The following CYP4F8 variants were observed in gnomAD, a reference collection of about 807,000 sequenced individuals.
CYP4F8 encodes the protein cytochrome P450 family 4 subfamily F member 8.
Under a neutral mutation model 55.0 loss-of-function variants are expected in CYP4F8, and 56 were observed. The ratio of observed to expected loss-of-function variants is 1.02; its 90% CI spans 0.82 to 1.27. The LOEUF is 1.27. CYP4F8 is among the 50% of genes most tolerant of loss of function. The pLI, the probability that CYP4F8 is intolerant of heterozygous loss-of-function variation, is 0.00. For synonymous variants in CYP4F8, 288 were observed against 267.3 expected (o/e 1.08, Z -0.76); for missense variants, 680 against 682.4 (o/e 1.00, Z 0.04).
rs552475652 is a variant in CYP4F8, at chr19:15,629,122, C to T, written c.1398-71C>T. 151 of 1,501,828 alleles carry T rather than the reference C, an allele frequency of 1.0e-4. No homozygotes were observed. The African/African-American group carries it at 1.8e-3, about 18-fold the overall frequency. 93.0% of individuals were successfully genotyped at this position (1,501,828 alleles called of 1,614,324 possible). Reference sequence around the variant, plus strand: ...TCTGGGTGGGGTTGGGGGTTCCGGGCCTGGTTCCTGGCGCAGTGGGGCCGG... The same window carrying T: ...TCTGGGTGGGGTTGGGGGTTCCGGGTCTGGTTCCTGGCGCAGTGGGGCCGG... On this transcript the variant is annotated intron_variant, in intron 12 of 12. Coordinates refer to ENST00000612078, the MANE Select transcript of CYP4F8 (RefSeq NM_007253.4).
intron 9 of CYP4F8, among the ~76,000 whole-genome samples, chr19:15,625,665 T>G (rs1435651076): frequency 6.6e-6 from 1 of 152,066 alleles, no homozygotes; most frequent in Non-Finnish European, 1.5e-5. Flanking sequence ...TTTTTTCCAT[T>G]TGAACTCTGT....
At chr19:15,619,038 G>C (rs1324350878) in intron 3 of CYP4F8, 1 of 174,330 alleles carries the variant, frequency 5.7e-6, no homozygotes. Flanking sequence ...ATTGTGAGTG[G>C]TAGAAACTCA....
At chr19:15,626,837 A>G (rs1972269267) in intron 9 of CYP4F8, among the ~76,000 whole-genome samples, 1 of 152,222 alleles carries the variant, frequency 6.6e-6, no homozygotes, top group African/African-American at 2.4e-5. Flanking sequence ...ATCTTTTAAC[A>G]TTATAATTTT....
At position 15,630,154 on chromosome 19, in the gene CYP4F8, T is replaced by C. The variant is rs11668168; in HGVS notation, c.*796T>C. ...AGTGCCAGAATTGCAGGTGTGAGAA[T>C]AAAAATTCTTGAGTTTCAATGTTTA... On this transcript the variant is annotated 3_prime_UTR_variant, in exon 13 of 13. Coordinates refer to ENST00000612078, the MANE Select transcript of CYP4F8 (RefSeq NM_007253.4). 111,702 of 152,008 alleles carry C rather than the reference T, an allele frequency of 0.73. 41,196 individuals carry two copies. The highest frequency in any genetic ancestry group is 0.76 in the Admixed American group (11,585 of 15,274). The allele number at this position is 152,008 out of a possible 1,614,324, so 9.4% of individuals were successfully genotyped here.
At chr19:15,624,501 A>G (rs1357870664) in intron 9 of CYP4F8, among the ~76,000 whole-genome samples, 1 of 152,178 alleles carries the variant, frequency 6.6e-6, no homozygotes, top group Non-Finnish European at 1.5e-5. Flanking sequence ...GTGTTTTTAT[A>G]CTTTCCAGCC....
chr19:15,623,037 G>C (rs1972213958), intron 6 of CYP4F8, 68 bp from the exon 7 acceptor site: 4 of 1,533,792 alleles, frequency 2.6e-6, no homozygotes, highest in Non-Finnish European at 3.5e-6. Context: ...TGGGATTCTG[G>C]CTGGAAGGTG....
rs2144612651 is a variant in CYP4F8 at position 15,628,302 on chromosome 19, G to C, written c.1116G>C (p.Trp372Cys). The change falls in exon 10 of 13, where the codon TGG (tryptophan) becomes TGC (cysteine). Residue 372 changes from tryptophan (W) to cysteine (C), a missense_variant and splice_region_variant. Physicochemically the swap from Trp to Cys is radical, Grantham distance 215. Transcript: ENST00000612078. ...LKDREPKEIE[W>C]DDLAQLPFLT... ...GGATAATTGTTGGGTGTTTCCTTAG[G>C]GACGACCTGGCCCAGTTGCCCTTCC... 3 of 1,614,010 alleles carry C rather than the reference G, an allele frequency of 1.9e-6. No homozygotes were observed. Among genetic ancestry groups the C allele is most frequent in the Middle Eastern group, 3.3e-4 (2 of 6,062 alleles).
intron 2 of CYP4F8, among the ~76,000 whole-genome samples, chr19:15,616,313 T>TTCACTCATTCCTCTCCTC (rs1568381015): frequency 1.4e-5 from 2 of 140,608 alleles, no homozygotes; most frequent in African/African-American, 5.4e-5. Context: ...TTCCTCTCCT[T>TTCACTCATTCCTCTCCTC]GCTCACTCAT....
chr19:15,622,196 G>T, intron 5 of CYP4F8, 23 bp from the exon 6 acceptor site: 1 of 1,610,794 alleles, frequency 6.2e-7, no homozygotes, highest in Non-Finnish European at 8.5e-7. Flanking sequence ...CCTGGCCCCA[G>T]CCCTGCTCCC....
chr19:15,619,352 C>T, intron 3 of CYP4F8, 138 bp from the exon 4 acceptor site: 1 of 969,890 alleles, frequency 1.0e-6, no homozygotes, highest in Non-Finnish European at 1.5e-6. Context: ...CTCCTTTCTT[C>T]TTCTGCCCAT....
rs1173975082 is a variant in CYP4F8, at chr19:15,617,999, G to A, written c.199-1G>A. On this transcript the variant is annotated splice_acceptor_variant, in intron 2 of 12. Coordinates refer to ENST00000612078, the MANE Select transcript of CYP4F8 (RefSeq NM_007253.4). LOFTEE classifies it high-confidence loss of function. ...GGTGATGGCCCTTGCCTTGCTTGCA[G>A]GTCACTCCCACAGAGGAGGGCTTGA... 6.2e-7 allele frequency: 1 copy of A among 1,613,566 alleles called. No homozygotes were observed. The highest frequency in any genetic ancestry group is 8.5e-7 in the Non-Finnish European group (1 of 1,179,610).
Position 15,630,289 on chromosome 19 carries a change from T to C in CYP4F8, c.*931T>C, listed in dbSNP as rs530772729. ...CCCATGTAGTGAGCATAGTATCTAA[T>C]AGGCAGTTTTTCAGCTTTTCCCCCT... On this transcript the variant is annotated 3_prime_UTR_variant, in exon 13 of 13. Coordinates refer to ENST00000612078, the MANE Select transcript of CYP4F8 (RefSeq NM_007253.4). 1.3e-5 allele frequency: 2 copies of C among 152,346 alleles called. No individual in the cohort carries two copies. The highest frequency in any genetic ancestry group is 4.1e-4 in the South Asian group (2 of 4,824). The allele number at this position is 152,346 out of a possible 1,614,324, so 9.4% of individuals were successfully genotyped here. A position where few individuals can be genotyped will look rare whatever the true frequency, so the allele number is the denominator to read the frequency against.
At chr19:15,616,212 T>C (rs142141201) in intron 2 of CYP4F8, among the ~76,000 whole-genome samples, 20,254 of 135,282 alleles carry the variant, frequency 0.15, 1,575 homozygotes, top group Middle Eastern at 0.21. Flanking sequence ...ATTCCTCTCC[T>C]CACTCACTCA....
At chr19:15,624,712 T>C (rs774830950) in intron 9 of CYP4F8, among the ~76,000 whole-genome samples, 12 of 152,116 alleles carry the variant, frequency 7.9e-5, no homozygotes, top group Non-Finnish European at 1.8e-4. Flanking sequence ...TCCCCAGAAG[T>C]GCCTATTATG....
chr19:15,619,335 C>G lies in CYP4F8; in HGVS notation c.344-155C>G, dbSNP rs78678340. 3.2e-3 allele frequency: 2,530 copies of G among 800,108 alleles called. 49 individuals carry two copies. In the African/African-American group the frequency reaches 0.04, roughly 13 times the overall value. The allele number at this position is 800,108 out of a possible 1,614,324, so 49.6% of individuals were successfully genotyped here. ...AGCCTAGTCCGGTCCCCTTTATGCC[C>G]CCCACCCTCCTTTCTTCTTCTGCCC... On this transcript the variant is annotated intron_variant, in intron 3 of 12. Coordinates refer to ENST00000612078, the MANE Select transcript of CYP4F8 (RefSeq NM_007253.4).
At chr19:15,623,633 C>A in intron 7 of CYP4F8, 66 bp from the exon 8 acceptor site, 2 of 1,575,112 alleles carry the variant, frequency 1.3e-6, no homozygotes, top group Non-Finnish European at 1.7e-6. Flanking sequence ...AATGGGTCTT[C>A]AGAGACTGTT....
chr19:15,617,170 G>T (rs905318557), intron 2 of CYP4F8, among the ~76,000 whole-genome samples: 1 of 152,180 alleles, frequency 6.6e-6, no homozygotes, highest in African/African-American at 2.4e-5. Context: ...CCCACCCCAC[G>T]TGACTTTCCG....
chr19:15,617,524 A>G (rs941245080), intron 2 of CYP4F8, among the ~76,000 whole-genome samples: 1 of 131,140 alleles, frequency 7.6e-6, no homozygotes, highest in East Asian at 2.1e-4. Context: ...CTATCTATCT[A>G]TCTATCTATC....
intron 2 of CYP4F8, among the ~76,000 whole-genome samples, chr19:15,616,538 C>A (rs1193461935): frequency 3.3e-5 from 5 of 152,146 alleles, no homozygotes. Flanking sequence ...TGTCTAGAAC[C>A]CACTTTCTGC....
Sources: gnomAD v4.1 joint callset for allele counts (sites outside exome capture counted in the v4.1 genomes callset) on GRCh38, gnomAD v4.1.1 for gene constraint, MANE v1.5 for transcripts, NCBI Gene and HGNC (gene_info 2026-07-23, HGNC 2026-07-21) for gene names.